The following LRRC7 variants were observed in gnomAD, a reference collection of about 807,000 sequenced individuals.
The protein encoded by LRRC7 is leucine rich repeat containing 7.
LRRC7 carries 23 observed loss-of-function variants against 175.7 expected under a neutral mutation model. That is an observed-to-expected ratio of 0.13 (90% CI 0.09 to 0.19). The LOEUF is 0.19. Ranked by LOEUF, LRRC7 falls within the 10% of genes least tolerant of loss-of-function variation. LRRC7 has a pLI of 1.00. For missense variants in LRRC7, 1,354 were observed against 1,904.7 expected (o/e 0.71, Z 5.38); for synonymous variants, 685 against 680.9 (o/e 1.01, Z -0.09).
chr1:70,092,739 G>A (rs992627587), intron 25 of LRRC7, among the ~76,000 whole-genome samples: 2 of 152,102 alleles, frequency 1.3e-5, no homozygotes, highest in Admixed American at 1.3e-4. Context: ...TCTGATCTAC[G>A]TTCTGGGGTA....
intron 1 of LRRC7, among the ~76,000 whole-genome samples, chr1:69,673,132 T>A (rs959418126): frequency 1.3e-5 from 2 of 152,140 alleles, no homozygotes; most frequent in African/African-American, 4.8e-5. Flanking sequence ...TGTACACAGC[T>A]GGCTGGCTAC....
At chr1:69,884,967 C>A (rs1687023075) in intron 7 of LRRC7, among the ~76,000 whole-genome samples, 1 of 149,846 alleles carries the variant, frequency 6.7e-6, no homozygotes, top group Non-Finnish European at 1.5e-5. Flanking sequence ...GGATGAAGCC[C>A]ACTTGATCAT....
chr1:70,078,029 T>G (rs1348924601), intron 24 of LRRC7, among the ~76,000 whole-genome samples: 2 of 152,204 alleles, frequency 1.3e-5, no homozygotes, highest in Non-Finnish European at 2.9e-5. Context: ...CAGGCTGAAA[T>G]GGTTTTAGAT....
intron 8 of LRRC7, among the ~76,000 whole-genome samples, chr1:69,952,955 G>T (rs982066798): frequency 1.5e-5 from 2 of 137,912 alleles, no homozygotes; most frequent in African/African-American, 5.5e-5. Context: ...TGTGAAGCCT[G>T]CCCATGCCTT....
At chr1:70,040,642 C>G (rs911261911) in intron 21 of LRRC7, among the ~76,000 whole-genome samples, 4 of 152,008 alleles carry the variant, frequency 2.6e-5, no homozygotes, top group Non-Finnish European at 5.9e-5. Flanking sequence ...AAAACCCCAT[C>G]TCTACTTAAA....
intron 25 of LRRC7, among the ~76,000 whole-genome samples, chr1:70,103,577 C>T (rs921257269): frequency 2.0e-5 from 3 of 152,102 alleles, no homozygotes; most frequent in Non-Finnish European, 2.9e-5. Flanking sequence ...AGAATGCAGC[C>T]GTACCAAAAC....
chr1:69,718,698 A>G (rs903248372), intron 2 of LRRC7, among the ~76,000 whole-genome samples: 1 of 151,850 alleles, frequency 6.6e-6, no homozygotes, highest in African/African-American at 2.4e-5. Context: ...CTGTTCGAAG[A>G]AAGAGGAATT....
At chr1:69,590,731 T>C (rs2100955145) in intron 1 of LRRC7, among the ~76,000 whole-genome samples, 1 of 152,294 alleles carries the variant, frequency 6.6e-6, no homozygotes, top group Non-Finnish European at 1.5e-5. Flanking sequence ...TCTGCCTATA[T>C]TGTATTGTTA....
chr1:69,922,533 T>C (rs1321266985), intron 7 of LRRC7, among the ~76,000 whole-genome samples: 7 of 152,222 alleles, frequency 4.6e-5, no homozygotes, highest in Admixed American at 3.9e-4. Context: ...ACACCTTTCA[T>C]CTTTAAAACC....
At chr1:70,108,693 G>A (rs547097026) in intron 26 of LRRC7, among the ~76,000 whole-genome samples, 65 of 152,242 alleles carry the variant, frequency 4.3e-4, no homozygotes, top group Admixed American at 6.5e-4. Flanking sequence ...GTTATGAAAT[G>A]GCTCAACATA....
At chr1:69,967,699 A>T (rs963041875) in intron 8 of LRRC7, among the ~76,000 whole-genome samples, 15 of 152,138 alleles carry the variant, frequency 9.9e-5, no homozygotes, top group Non-Finnish European at 2.1e-4. Flanking sequence ...TCCAGAAGAG[A>T]GATAACAATC....
chr1:69,638,474 G>A (rs1175720069), intron 1 of LRRC7, among the ~76,000 whole-genome samples: 1 of 151,740 alleles, frequency 6.6e-6, no homozygotes, highest in Non-Finnish European at 1.5e-5. Flanking sequence ...AACAGTGACT[G>A]TGGAGCAGCA....
At chr1:70,060,405 T>C (rs141176215) in intron 23 of LRRC7, among the ~76,000 whole-genome samples, 3 of 152,222 alleles carry the variant, frequency 2.0e-5, no homozygotes, top group African/African-American at 7.2e-5. Context: ...AAAAGAAATA[T>C]TGCTATCAGT....
At chr1:69,590,882 G>A (rs950770139) in intron 1 of LRRC7, among the ~76,000 whole-genome samples, 5 of 152,084 alleles carry the variant, frequency 3.3e-5, no homozygotes, top group African/African-American at 7.2e-5. Flanking sequence ...ATCTCACAGA[G>A]AGGTAAGGAT....
At chr1:69,611,362 CAATA>C (rs1648704790) in intron 1 of LRRC7, among the ~76,000 whole-genome samples, 1 of 151,852 alleles carries the variant, frequency 6.6e-6, no homozygotes, top group African/African-American at 2.4e-5. Flanking sequence ...TAGGTCAGTA[CAATA>C]AATTCTAATT....
rs1446924783 is a variant in LRRC7, at chr1:70,131,570, T to C, written c.*9683T>C. 6.6e-6 allele frequency among the ~76,000 whole-genome samples: 1 copy of C among 152,358 alleles called. No homozygotes were observed. Among genetic ancestry groups the C allele is most frequent in the East Asian group, 1.9e-4 (1 of 5,192 alleles). On this transcript the variant is annotated 3_prime_UTR_variant, in exon 27 of 27. Coordinates refer to ENST00000651989, the MANE Select transcript of LRRC7 (RefSeq NM_001370785.2). ...TAATATTAATTACTCTTATTCTACC[T>C]CTGCTTTTTAATTTCTTTGTATAAA...
In LRRC7 at chr1:69,939,990, A is replaced by G. The variant is rs1169465159; in HGVS notation, c.711+8420A>G. Among the ~76,000 whole-genome samples, 4 of 152,254 alleles carry G rather than the reference A, an allele frequency of 2.6e-5. No individual in the cohort carries two copies. In the East Asian group the frequency reaches 7.7e-4, roughly 29 times the overall value. On this transcript the variant is annotated intron_variant, in intron 8 of 26. Coordinates refer to ENST00000651989, the MANE Select transcript of LRRC7 (RefSeq NM_001370785.2). ...CAAATGAGTTTCTTGATGAAACTTT[A>G]AAGTACAAAATTTGAGATTGTGACC...
intron 2 of LRRC7, among the ~76,000 whole-genome samples, chr1:69,692,608 G>C (rs1662028346): frequency 6.6e-6 from 1 of 152,102 alleles, no homozygotes; most frequent in African/African-American, 2.4e-5. Flanking sequence ...ATATTCTACT[G>C]TCATCTCAAA....
chr1:69,606,436 A>G (rs975589279), intron 1 of LRRC7, among the ~76,000 whole-genome samples: 14 of 152,154 alleles, frequency 9.2e-5, no homozygotes, highest in African/African-American at 3.1e-4. Flanking sequence ...AAAATCTCCT[A>G]TCTTCAAAAA....
Sources: allele counts gnomAD v4.1 joint callset (sites outside exome capture counted in the v4.1 genomes callset), GRCh38; gene constraint gnomAD v4.1.1; transcripts MANE v1.5; gene names NCBI Gene and HGNC (gene_info 2026-07-23, HGNC 2026-07-21).